Variants in USP34 observed in about 807,000 individuals in gnomAD.
The protein encoded by USP34 is ubiquitin specific peptidase 34, also known as ubiquitin carboxyl-terminal hydrolase 34.
A neutral mutation model predicts 460.3 loss-of-function variants in USP34; 70 were observed. The ratio of observed to expected loss-of-function variants is 0.15; its 90% CI spans 0.13 to 0.19. The LOEUF (loss-of-function observed/expected upper bound fraction) is 0.19. Ranked by LOEUF, USP34 falls within the 10% of genes least tolerant of loss-of-function variation. The probability of loss-of-function intolerance (pLI) is 1.00; values close to 1 mark genes in which losing one functional copy is unlikely to be tolerated. For missense variants in USP34, 3,985 were observed against 4,236.2 expected (o/e 0.94, Z 1.65); for synonymous variants, 1,647 against 1,405.3 (o/e 1.17, Z -3.85).
At chr2:61,459,496 C>T (rs1443542527) in intron 1 of USP34, among the ~76,000 whole-genome samples, 1 of 152,122 alleles carries the variant, frequency 6.6e-6, no homozygotes, top group Non-Finnish European at 1.5e-5. Flanking sequence ...GAAAACAGGC[C>T]AGGCACGGTG....
intron 35 of USP34, among the ~76,000 whole-genome samples, chr2:61,284,656 A>G (rs1232133711): frequency 6.6e-6 from 1 of 152,232 alleles, no homozygotes; most frequent in African/African-American, 2.4e-5. Context: ...CAGAAGATTC[A>G]GGAAAACATG....
chr2:61,453,028 T>A (rs533091506), intron 1 of USP34, among the ~76,000 whole-genome samples: 79 of 151,780 alleles, frequency 5.2e-4, no homozygotes, highest in East Asian at 3.7e-3. Context: ...TCTAATATTT[T>A]TAAAAAAAAA....
chr2:61,267,443 AT>A (rs1247110202), intron 41 of USP34, among the ~76,000 whole-genome samples: 571 of 142,574 alleles, frequency 4.0e-3, no homozygotes, highest in Middle Eastern at 0.018. Context: ...TGGTTAGGAG[AT>A]TTTTTTTTTT....
At chr2:61,211,166 A>C (rs1357915471) in intron 69 of USP34, among the ~76,000 whole-genome samples, 1 of 152,158 alleles carries the variant, frequency 6.6e-6, no homozygotes, top group Non-Finnish European at 1.5e-5. Context: ...TCTTCAGTAA[A>C]GTACCATTAA....
At chr2:61,294,817 C>A in intron 32 of USP34, 132 bp downstream of exon 32, 1 of 764,270 alleles carries the variant, frequency 1.3e-6, no homozygotes, top group Non-Finnish European at 2.1e-6. Context: ...TAAAGTAATA[C>A]ATGATTTTTA....
At chr2:61,225,499 T>A (rs1390428207) in intron 62 of USP34, among the ~76,000 whole-genome samples, 1 of 152,122 alleles carries the variant, frequency 6.6e-6, no homozygotes, top group Non-Finnish European at 1.5e-5. Context: ...ATTATACATT[T>A]ATATGATACC....
intron 21 of USP34, among the ~76,000 whole-genome samples, chr2:61,323,294 G>A (rs1309971722): frequency 6.6e-6 from 1 of 152,042 alleles, no homozygotes; most frequent in African/African-American, 2.4e-5. Flanking sequence ...GGCGGATCAC[G>A]AGGTCAGGAG....
Position 61,395,001 on chromosome 2 carries a change from T to C in USP34, c.605A>G (p.Asp202Gly), listed in dbSNP as rs775548483. Residue 202 changes from aspartate (D) to glycine (G), a missense_variant and splice_region_variant, in exon 5 of 80, where the codon GAT becomes GGT. Physicochemically the swap from Asp to Gly is moderately conservative, Grantham distance 94 (BLOSUM62 -1). Around this residue, in one of 14 missense-constraint regions of USP34, gnomAD observed 331 missense variants for 293.7 expected, o/e 1.13. Coordinates refer to ENST00000398571, the MANE Select transcript of USP34 (RefSeq NM_014709.4). ...NILGAFCDMN[D>G]VEVPLHLLRY... ...AAGCAAATGCAATGGTACTTCTACA[T>C]CCTGGGAAAATAAAGAAAACATGTC... The C allele has an allele frequency of 6.3e-7, 1 of 1,578,068 alleles. No individual in the cohort carries two copies. Among genetic ancestry groups the C allele is most frequent in the Non-Finnish European group, 8.5e-7 (1 of 1,169,718 alleles).
At chr2:61,438,269 A>G (rs374088725) in intron 1 of USP34, among the ~76,000 whole-genome samples, 3 of 152,190 alleles carry the variant, frequency 2.0e-5, no homozygotes, top group African/African-American at 7.2e-5. Flanking sequence ...TCATCTCAAT[A>G]GAATCGGAAA....
At chr2:61,328,068 G>A (rs376079129) in intron 20 of USP34, among the ~76,000 whole-genome samples, 9 of 151,968 alleles carry the variant, frequency 5.9e-5, no homozygotes, top group South Asian at 4.1e-4. Flanking sequence ...AGGCGGAGGC[G>A]GAGGCGGGTG....
intron 65 of USP34, chr2:61,221,864 T>A (rs1687598065): frequency 6.4e-6 from 2 of 312,530 alleles, no homozygotes; most frequent in Non-Finnish European, 1.2e-5. Flanking sequence ...ATAAAAATAT[T>A]CTCTAAATTG....
intron 75 of USP34, among the ~76,000 whole-genome samples, chr2:61,194,651 A>G (rs979109346): frequency 6.6e-6 from 1 of 152,244 alleles, no homozygotes; most frequent in East Asian, 1.9e-4. Context: ...GGCTGGGACA[A>G]TTTTCTTAAA....
chr2:61,269,665 A>G (rs536608318), intron 41 of USP34, among the ~76,000 whole-genome samples: 2 of 152,266 alleles, frequency 1.3e-5, no homozygotes, highest in South Asian at 4.1e-4. Context: ...GTCAACAATA[A>G]AAGTTTAAAG....
At chr2:61,447,839 C>T (rs1695163309) in intron 1 of USP34, among the ~76,000 whole-genome samples, 1 of 152,128 alleles carries the variant, frequency 6.6e-6, no homozygotes, top group Admixed American at 6.5e-5. Flanking sequence ...CCTCAGCCTC[C>T]CAAGTAGTTG....
chr2:61,285,094 T>C (rs1416393644), intron 34 of USP34, 137 bp from the exon 35 acceptor site: 11 of 604,854 alleles, frequency 1.8e-5, no homozygotes, highest in Non-Finnish European at 3.2e-5. Context: ...TTGATATTTA[T>C]CTATAACACA....
intron 2 of USP34, among the ~76,000 whole-genome samples, chr2:61,413,439 G>A (rs935614314): frequency 4.0e-5 from 6 of 149,506 alleles, no homozygotes; most frequent in Admixed American, 6.7e-5. Flanking sequence ...CGAGTGAGTG[G>A]CTCACGCCTG....
At chr2:61,362,664 G>C (rs944767601) in intron 10 of USP34, among the ~76,000 whole-genome samples, 34 of 152,176 alleles carry the variant, frequency 2.2e-4, no homozygotes, top group Admixed American at 2.2e-3. Context: ...ATCAGTAAAA[G>C]AGTATAAAGT....
intron 48 of USP34, chr2:61,249,965 A>G: frequency 6.0e-6 from 1 of 165,732 alleles, no homozygotes. Context: ...AACAGCTCTC[A>G]GGCTAGGCGC....
chr2:61,317,698 C>T lies in USP34; in HGVS notation c.3238G>A (p.Ala1080Thr). 1 of 1,614,038 alleles carries T rather than the reference C, an allele frequency of 6.2e-7. No homozygotes were observed. The highest frequency in any genetic ancestry group is 2.2e-5 in the East Asian group (1 of 44,866). Residue 1080 changes from alanine to threonine, a missense_variant, in exon 23 of 80, where the codon GCT becomes ACT. By Grantham distance (58) the Ala-to-Thr change is moderately conservative. Transcript: ENST00000398571. ...LNLFQHLCNL[A>T]RLATSAYDGC... ...TCATAGGCACTGGTAGCCAATCGAG[C>T]CAAGTTACAGAGATGCTGAAACAGG... is the stretch of plus-strand genomic sequence containing the variant.
Sources: gnomAD v4.1 joint callset for allele counts (sites outside exome capture counted in the v4.1 genomes callset) on GRCh38, gnomAD v4.1.1 for gene constraint, gnomAD v4.1.1 regional missense constraint, MANE v1.5 for transcripts, NCBI Gene and HGNC (gene_info 2026-07-23, HGNC 2026-07-21) for gene names.